PHF21A: variants seen among roughly 807,000 people sequenced by gnomAD.
PHF21A encodes PHD finger protein 21A.
A neutral mutation model predicts 82.5 loss-of-function variants in PHF21A; 11 were observed. The observed-to-expected ratio is 0.13, with a 90% confidence interval of 0.08 to 0.22. The LOEUF is 0.22. Among genes scored for constraint, PHF21A ranks in the 10% least tolerant of loss-of-function variants. The pLI is 1.00. For synonymous variants in PHF21A, 297 were observed against 302.8 expected, an observed-to-expected ratio of 0.98 and a Z score of 0.20; for missense variants, 579 against 837.8, an observed-to-expected ratio of 0.69 and a Z score of 3.81.
intron 1 of PHF21A, among the ~76,000 whole-genome samples, chr11:46,115,245 C>T (rs1323606110): frequency 1.3e-5 from 2 of 152,090 alleles, no homozygotes; most frequent in Non-Finnish European, 1.5e-5. Flanking sequence ...CAAAGGATGG[C>T]TGAACCTCAC....
At chr11:46,062,358 C>A (rs2096545869) in intron 6 of PHF21A, among the ~76,000 whole-genome samples, 1 of 151,964 alleles carries the variant, frequency 6.6e-6, no homozygotes, top group Non-Finnish European at 1.5e-5. Flanking sequence ...TTCTGGGTGA[C>A]CCTCTTAAAA....
At chr11:46,051,973 A>G (rs997447193) in intron 6 of PHF21A, among the ~76,000 whole-genome samples, 4 of 152,210 alleles carry the variant, frequency 2.6e-5, no homozygotes, top group African/African-American at 7.2e-5. Context: ...TACTAGTAGA[A>G]TTCCAAATAT....
rs1004968978 is a variant in PHF21A at position 45,932,775 on chromosome 11, G to A, written c.*1193C>T. 1.3e-5 allele frequency: 2 copies of A among 152,226 alleles called. No individual in the cohort carries two copies. Among genetic ancestry groups the A allele is most frequent in the Non-Finnish European group, 2.9e-5 (2 of 67,956 alleles). The allele number at this position is 152,226 out of a possible 1,614,324, so 9.4% of individuals were successfully genotyped here. ...GCCCTTGCATAAAAAAACAGTGCCC[G>A]AACGATGACACAAGGACTCACAAAG... On this transcript the variant is annotated 3_prime_UTR_variant, in exon 19 of 19. Transcript: ENST00000676320. The surrounding 1 kb of genome is among the most constrained non-coding windows in gnomAD (Gnocchi z 4.3).
At chr11:46,115,521 C>CT (rs2097278313) in intron 1 of PHF21A, among the ~76,000 whole-genome samples, 3 of 152,110 alleles carry the variant, frequency 2.0e-5, no homozygotes, top group African/African-American at 7.2e-5. Context: ...CATATTATCT[C>CT]TTTTTTAAAA....
At chr11:46,001,024 T>G (rs990967222) in intron 6 of PHF21A, among the ~76,000 whole-genome samples, 2 of 152,146 alleles carry the variant, frequency 1.3e-5, no homozygotes, top group Non-Finnish European at 2.9e-5. Context: ...TCAAAACCTA[T>G]GTTAAAATAA....
In PHF21A at chr11:45,967,369, A is replaced by T. The variant is rs1326094446; in HGVS notation, c.703-1761T>A. ...GGTGATAGAGTGAGACCCTGTCTTAAAAAAAAAAAAAAAAATCCCTTATTG... is the reference window on the plus strand; with the variant it reads ...GGTGATAGAGTGAGACCCTGTCTTATAAAAAAAAAAAAAAATCCCTTATTG... On this transcript the variant is annotated intron_variant, in intron 9 of 18. Coordinates refer to ENST00000676320, the MANE Select transcript of PHF21A (RefSeq NM_001352027.3). 8.5e-4 allele frequency among the ~76,000 whole-genome samples: 3 copies of T among 3,524 alleles called. No individual in the cohort carries two copies. The Admixed American group carries it at 0.024, about 28-fold the overall frequency. 2.3% of individuals were successfully genotyped at this position (3,524 alleles called of 152,430 possible).
chr11:46,076,878 G>T, intron 5 of PHF21A, 59 bp from the exon 6 acceptor site: 2 of 1,362,876 alleles, frequency 1.5e-6, no homozygotes, highest in Non-Finnish European at 2.1e-6. Context: ...CAGAATAGTA[G>T]CAGGAAGACT....
intron 6 of PHF21A, among the ~76,000 whole-genome samples, chr11:46,048,378 G>C (rs1592477725): frequency 6.6e-6 from 1 of 152,036 alleles, no homozygotes; most frequent in Non-Finnish European, 1.5e-5. Context: ...ATATTCTACT[G>C]TATGGATATA....
chr11:45,938,934 C>CG (rs1296765385), intron 15 of PHF21A, among the ~76,000 whole-genome samples: 1 of 151,852 alleles, frequency 6.6e-6, no homozygotes, highest in Admixed American at 6.6e-5. Flanking sequence ...CCCAGGTTCA[C>CG]GCCATTCTCC....
At chr11:45,940,206 T>G (rs2090073021) in intron 15 of PHF21A, among the ~76,000 whole-genome samples, 1 of 152,032 alleles carries the variant, frequency 6.6e-6, no homozygotes, top group Non-Finnish European at 1.5e-5. Context: ...TTCTTTTTTT[T>G]TTTTTTAGAC....
intron 6 of PHF21A, among the ~76,000 whole-genome samples, chr11:46,013,358 C>T (rs755515889): frequency 2.0e-5 from 3 of 152,148 alleles, no homozygotes; most frequent in Non-Finnish European, 4.4e-5. Flanking sequence ...GTAGCTATCT[C>T]GGTTATCAGA....
chr11:45,946,105 T>G (rs775303207), intron 14 of PHF21A, 102 bp from the exon 15 acceptor site: 4 of 1,613,712 alleles, frequency 2.5e-6, no homozygotes, highest in Non-Finnish European at 3.4e-6. Flanking sequence ...TTGGCTAGCA[T>G]GGAAAAGGAA....
At chr11:46,079,000 T>C in intron 5 of PHF21A, 134 bp downstream of exon 5, 2 of 551,722 alleles carry the variant, frequency 3.6e-6, no homozygotes, top group East Asian at 6.1e-5. Context: ...GATCAATGTA[T>C]TAAAAATAAT....
At chr11:45,976,414 C>T (rs1009777033) in intron 7 of PHF21A, among the ~76,000 whole-genome samples, 13 of 152,130 alleles carry the variant, frequency 8.5e-5, no homozygotes. Context: ...TAGAACAGTG[C>T]TTGCACACAG....
At chr11:45,945,087 A>T (rs1178157624) in intron 15 of PHF21A, among the ~76,000 whole-genome samples, 2 of 152,152 alleles carry the variant, frequency 1.3e-5, no homozygotes, top group African/African-American at 4.8e-5. Context: ...AGCACTTATC[A>T]TTACCTGACA....
At chr11:45,986,770 T>C (rs2094503622) in intron 6 of PHF21A, among the ~76,000 whole-genome samples, 1 of 152,222 alleles carries the variant, frequency 6.6e-6, no homozygotes, top group Non-Finnish European at 1.5e-5. Context: ...TTGTCTAGTA[T>C]GAATTTTTAA....
At chr11:46,049,989 A>G (rs145477372) in intron 6 of PHF21A, among the ~76,000 whole-genome samples, 1 of 152,380 alleles carries the variant, frequency 6.6e-6, no homozygotes, top group East Asian at 1.9e-4. Flanking sequence ...ATTCTATCAT[A>G]TATTTCATGT....
chr11:45,949,334 G>C, intron 13 of PHF21A, 68 bp downstream of exon 13: 3 of 1,264,256 alleles, frequency 2.4e-6, no homozygotes, highest in Non-Finnish European at 3.5e-6. Flanking sequence ...TTTTCAGAGG[G>C]GAGGCACTGA....
chr11:46,105,436 T>C (rs1399010670), intron 1 of PHF21A, among the ~76,000 whole-genome samples: 2 of 152,026 alleles, frequency 1.3e-5, no homozygotes, highest in African/African-American at 2.4e-5. Flanking sequence ...CAACTGTAAA[T>C]CTGGTTAAGA....
Sources: allele counts gnomAD v4.1 joint callset (sites outside exome capture counted in the v4.1 genomes callset), GRCh38; gene constraint gnomAD v4.1.1; non-coding constraint Gnocchi (gnomAD v3.1); transcripts MANE v1.5; gene names NCBI Gene and HGNC (gene_info 2026-07-23, HGNC 2026-07-21).